The following KCNG2 variants were observed in gnomAD, a reference collection of about 807,000 sequenced individuals.
KCNG2 encodes voltage-gated potassium channel regulatory subunit KCNG2.
A neutral mutation model predicts 12.3 loss-of-function variants in KCNG2; 7 were observed. The ratio of observed to expected loss-of-function variants is 0.57; its 90% CI spans 0.32 to 1.07. The LOEUF (loss-of-function observed/expected upper bound fraction) is 1.07. Ranked by LOEUF, KCNG2 falls within the 50% of genes least tolerant of loss-of-function variation. The pLI, the probability that KCNG2 is intolerant of heterozygous loss-of-function variation, is 0.04. For synonymous variants in KCNG2, 414 were observed against 351.4 expected, an observed-to-expected ratio of 1.18 and a Z score of -1.99; for missense variants, 703 against 726.0, an observed-to-expected ratio of 0.97 and a Z score of 0.36.
At chr18:79,838,945 C>T (rs1380134851) in intron 1 of KCNG2, among the ~76,000 whole-genome samples, 1 of 152,120 alleles carries the variant, frequency 6.6e-6, no homozygotes, top group African/African-American at 2.4e-5. Context: ...GGCGCTTAGC[C>T]CAGTAGAACA....
intron 1 of KCNG2, among the ~76,000 whole-genome samples, chr18:79,828,874 G>T (rs1353282198): frequency 7.1e-6 from 1 of 140,060 alleles, no homozygotes; most frequent in Non-Finnish European, 1.5e-5. Flanking sequence ...GTGTCTATGT[G>T]TGCGTGTATG....
chr18:79,858,781 A>G (rs569969468), intron 2 of KCNG2, among the ~76,000 whole-genome samples: 4 of 152,102 alleles, frequency 2.6e-5, no homozygotes, highest in Non-Finnish European at 5.9e-5. Context: ...GTGGATGTGA[A>G]GTGGTATCTT....
At chr18:79,834,891 C>T (rs899146877) in intron 1 of KCNG2, among the ~76,000 whole-genome samples, 9 of 152,246 alleles carry the variant, frequency 5.9e-5, no homozygotes, top group African/African-American at 2.2e-4. Context: ...AGGAGCCATG[C>T]TGGGTGTGTT....
At chr18:79,877,263 A>C (rs1427643099) in intron 3 of KCNG2, among the ~76,000 whole-genome samples, 2 of 152,182 alleles carry the variant, frequency 1.3e-5, no homozygotes, top group Non-Finnish European at 2.9e-5. Context: ...CGAAGGGTTA[A>C]AGTCTGCGGA....
intron 1 of KCNG2, among the ~76,000 whole-genome samples, chr18:79,821,360 G>C (rs1282303525): frequency 6.8e-6 from 1 of 147,780 alleles, no homozygotes; most frequent in Non-Finnish European, 1.5e-5. Flanking sequence ...CGCAATCTTG[G>C]CTCACGGCAA....
chr18:79,873,134 C>T (rs896227495), intron 3 of KCNG2, among the ~76,000 whole-genome samples: 17 of 152,198 alleles, frequency 1.1e-4, no homozygotes, highest in African/African-American at 3.4e-4. Flanking sequence ...AGACAGCACT[C>T]GGGCAGGAAA....
intron 3 of KCNG2, among the ~76,000 whole-genome samples, chr18:79,869,850 T>C (rs1364103101): frequency 6.6e-6 from 1 of 152,160 alleles, no homozygotes; most frequent in Non-Finnish European, 1.5e-5. Flanking sequence ...AGGTCACCAG[T>C]GGTCACGACC....
intron 1 of KCNG2, among the ~76,000 whole-genome samples, chr18:79,855,240 A>C (rs1049114215): frequency 5.3e-5 from 8 of 152,220 alleles, no homozygotes; most frequent in African/African-American, 1.9e-4. Flanking sequence ...TGGGAATCCC[A>C]TGAGGCTTGA....
intron 1 of KCNG2, among the ~76,000 whole-genome samples, chr18:79,815,115 C>T (rs2087519579): frequency 6.6e-6 from 1 of 152,034 alleles, no homozygotes; most frequent in Admixed American, 6.6e-5. Context: ...TAAGATCCAT[C>T]CTCAGGGTGA....
At chr18:79,847,723 G>A (rs941101938) in intron 1 of KCNG2, among the ~76,000 whole-genome samples, 17 of 152,032 alleles carry the variant, frequency 1.1e-4, no homozygotes, top group Admixed American at 5.2e-4. Context: ...AGCTTTTCCC[G>A]GTGACACACA....
At chr18:79,897,896 GTAGT>G (rs538232393) in intron 3 of KCNG2, among the ~76,000 whole-genome samples, 2,013 of 152,110 alleles carry the variant, frequency 0.013, 24 homozygotes, top group Non-Finnish European at 0.02. Context: ...ACCACACCCA[GTAGT>G]TAAACTCCTA....
rs1028042186 is a variant in KCNG2 at position 79,800,095 on chromosome 18, C to T, written c.-115+2081C>T. Among the ~76,000 whole-genome samples, 1 of 152,038 alleles carries T rather than the reference C, an allele frequency of 6.6e-6. No individual in the cohort carries two copies. Among genetic ancestry groups the T allele is most frequent in the South Asian group, 2.1e-4 (1 of 4,816 alleles). ...GCAGGCACCTGGAGGGCAGCGCGAA[C>T]GGAGGGCTGTTTGTCGTGGGAGGCG... On this transcript the variant is annotated intron_variant, in intron 1 of 3. Coordinates refer to ENST00000316249, the MANE Select transcript of KCNG2 (RefSeq NM_012283.2). This position sits in a 1 kb window ranked among gnomAD's most constrained non-coding sequence, Gnocchi z 4.0.
intron 3 of KCNG2, among the ~76,000 whole-genome samples, chr18:79,871,171 C>G (rs1024828170): frequency 1.3e-5 from 2 of 152,204 alleles, no homozygotes; most frequent in African/African-American, 4.8e-5. Context: ...CTCCGGGGTC[C>G]GCCGTGAGGG....
chr18:79,869,857 G>A (rs963157309), intron 3 of KCNG2, among the ~76,000 whole-genome samples: 8 of 152,200 alleles, frequency 5.3e-5, no homozygotes, highest in East Asian at 3.9e-4. Context: ...CAGTGGTCAC[G>A]ACCTGCAGAC....
intron 1 of KCNG2, among the ~76,000 whole-genome samples, chr18:79,799,815 C>T (rs756093426): frequency 6.6e-6 from 1 of 152,032 alleles, no homozygotes; most frequent in Admixed American, 6.6e-5. Context: ...GTGTGGGGGG[C>T]GGGTGGCCGA....
At chr18:79,871,243 G>A (rs117636659) in intron 3 of KCNG2, among the ~76,000 whole-genome samples, 3 of 152,348 alleles carry the variant, frequency 2.0e-5, no homozygotes, top group East Asian at 3.9e-4. Context: ...CGCACCTCCC[G>A]CCTCCTGGCA....
chr18:79,846,542 A>G (rs1007209562), intron 1 of KCNG2, among the ~76,000 whole-genome samples: 2 of 152,266 alleles, frequency 1.3e-5, no homozygotes, highest in African/African-American at 2.4e-5. Flanking sequence ...GTTTACAACA[A>G]AAATCTCCTG....
chr18:79,899,352 C>T lies in KCNG2; in HGVS notation c.937C>T (p.Leu313=), dbSNP rs1196047431. ...CTCGCTGGGGCTGCGTTCGCTGGGCCTGACCATGCGCCGCTGCGCGCGCGA... is the reference window on the plus strand; with the variant it reads ...CTCGCTGGGGCTGCGTTCGCTGGGCTTGACCATGCGCCGCTGCGCGCGCGA... ...RHSLGLRSLG[L]TMRRCAREFG... The change falls in exon 4 of 4, where the codon CTG becomes TTG. Residue 313 remains leucine, a synonymous_variant. Coordinates refer to ENST00000316249, the MANE Select transcript of KCNG2 (RefSeq NM_012283.2). The T allele has an allele frequency of 1.3e-6, 2 of 1,556,072 alleles. No homozygotes were observed. The highest frequency in any genetic ancestry group is 1.4e-5 in the African/African-American group (1 of 72,422).
At chr18:79,873,884 C>T (rs1032857731) in intron 3 of KCNG2, among the ~76,000 whole-genome samples, 1 of 152,238 alleles carries the variant, frequency 6.6e-6, no homozygotes, top group African/African-American at 2.4e-5. Flanking sequence ...GAGGCGCTGG[C>T]CTCGCTGCTG....
Sources: allele counts gnomAD v4.1 joint callset (sites outside exome capture counted in the v4.1 genomes callset), GRCh38; gene constraint gnomAD v4.1.1; non-coding constraint Gnocchi (gnomAD v3.1); transcripts MANE v1.5; gene names NCBI Gene and HGNC (gene_info 2026-07-23, HGNC 2026-07-21).